CDK13: variants seen among roughly 807,000 people sequenced by gnomAD.
The protein encoded by CDK13 is cyclin-dependent kinase 13.
CDK13 carries 40 observed loss-of-function variants against 137.6 expected under a neutral mutation model. That is an observed-to-expected ratio of 0.29 (90% confidence interval 0.23 to 0.38). The LOEUF is 0.38. Among genes scored for constraint, CDK13 ranks in the 10% least tolerant of loss-of-function variants. The pLI is 1.00. For synonymous variants in CDK13, 869 were observed against 760.1 expected (o/e 1.14, Z -2.36); for missense variants, 1,704 against 1,951.8 (o/e 0.87, Z 2.39).
intron 11 of CDK13, among the ~76,000 whole-genome samples, chr7:40,082,215 G>A (rs563971474): frequency 2.6e-5 from 4 of 151,998 alleles, no homozygotes; most frequent in African/African-American, 4.8e-5. Context: ...TAGGCTGGGC[G>A]CAGTGGCTCA....
intron 2 of CDK13, among the ~76,000 whole-genome samples, chr7:39,996,206 G>A (rs1385863729): frequency 1.3e-5 from 2 of 152,148 alleles, no homozygotes; most frequent in African/African-American, 4.8e-5. Context: ...ACACGAATAG[G>A]AGGATAATTA....
chr7:40,046,574 G>T (rs1785745721), intron 6 of CDK13, among the ~76,000 whole-genome samples: 1 of 152,134 alleles, frequency 6.6e-6, no homozygotes, highest in South Asian at 2.1e-4. Flanking sequence ...TTGAATCTAG[G>T]AGGTGGAGGT....
intron 1 of CDK13, among the ~76,000 whole-genome samples, chr7:39,954,507 A>G (rs1040345085): frequency 2.7e-4 from 37 of 138,026 alleles, no homozygotes; most frequent in Non-Finnish European, 2.2e-4. Context: ...TCAGCACTGT[A>G]TCTGGCACAA....
intron 5 of CDK13, among the ~76,000 whole-genome samples, chr7:40,031,828 G>GTTGTTATTATTA (rs1279341093): frequency 1.3e-4 from 18 of 139,108 alleles, no homozygotes; most frequent in African/African-American, 4.5e-4. Context: ...TATTATTATT[G>GTTGTTATTATTA]TTATTATTAT....
chr7:39,992,200 G>A lies in CDK13; in HGVS notation c.1871+3942G>A, dbSNP rs936684894. On this transcript the variant is annotated intron_variant, in intron 2 of 13. Transcript: ENST00000181839. The stretch of plus-strand genomic sequence containing the variant: ...TGTGTGTGTGTGTGTGTGTGTGTGT[G>A]TATACACTTCTCCCCGAGATGAAGT... Among the ~76,000 whole-genome samples, 556 of 138,366 alleles carry A rather than the reference G, an allele frequency of 4.0e-3. 7 individuals carry two copies. The highest frequency in any genetic ancestry group is 0.014 in the African/African-American group (520 of 37,116). 90.8% of individuals were successfully genotyped at this position (138,366 alleles called of 152,430 possible).
At chr7:40,028,502 G>A (rs1301711406) in intron 5 of CDK13, among the ~76,000 whole-genome samples, 1 of 152,112 alleles carries the variant, frequency 6.6e-6, no homozygotes, top group African/African-American at 2.4e-5. Flanking sequence ...ACAGGTGTGA[G>A]CCACCACGCC....
intron 5 of CDK13, among the ~76,000 whole-genome samples, chr7:40,003,202 A>ACTCTCTCTCTCTCTCT (rs1334115140): frequency 1.7e-4 from 14 of 80,964 alleles, no homozygotes; most frequent in African/African-American, 4.5e-4. Context: ...ACACACACAC[A>ACTCTCTCTCTCTCTCT]CACACTCTCT....
At chr7:40,003,043 A>G (rs1306354951) in intron 5 of CDK13, among the ~76,000 whole-genome samples, 1 of 151,616 alleles carries the variant, frequency 6.6e-6, no homozygotes, top group Non-Finnish European at 1.5e-5. Context: ...TGCACCCTGC[A>G]CTCCAACCTC....
Position 39,951,543 on chromosome 7 carries a change from G to A in CDK13, c.902G>A (p.Arg301Gln), listed in dbSNP as rs1562692808. ...TACAAGGAACCGCCCAAGGCCTACC[G>A]GGAGGACAAGACCGAGCCTAAGGCC... ...SAYKEPPKAYREDKTEPKAYR... is the reference protein window; with the variant it reads ...SAYKEPPKAYQEDKTEPKAYR... The change falls in exon 1 of 14, where the codon CGG (arginine) becomes CAG (glutamine). Residue 301 changes from arginine to glutamine, a missense_variant. By Grantham distance (43) the Arg-to-Gln change is conservative. Around this residue, in one of 5 missense-constraint regions of CDK13, gnomAD observed 1,051 missense variants for 931.0 expected, o/e 1.13. Coordinates refer to ENST00000181839, the MANE Select transcript of CDK13 (RefSeq NM_003718.5). 1.3e-6 allele frequency: 2 copies of A among 1,537,462 alleles called. No homozygotes were observed. Among genetic ancestry groups the A allele is most frequent in the South Asian group, 1.2e-5 (1 of 82,600 alleles).
At chr7:39,966,640 G>A (rs1445140148) in intron 1 of CDK13, among the ~76,000 whole-genome samples, 1 of 152,168 alleles carries the variant, frequency 6.6e-6, no homozygotes, top group African/African-American at 2.4e-5. Flanking sequence ...GTCCAGCTTT[G>A]TTCCGTTGCT....
rs749812196 is a variant in CDK13 at position 39,987,784 on chromosome 7, G to GAGCCGCAGAAGCAGCGAA, written c.1401_1418dup (p.Ala471_Ala476dup). ...AAAGCACGAGCAGCAGAGGCAGCAA[G>GAGCCGCAGAAGCAGCGAA]AGCCGCAGAAGCAGCGAAAGCTGCA... is the stretch of plus-strand genomic sequence containing the variant. On this transcript the variant is annotated inframe_insertion, in exon 2 of 14. Transcript: ENST00000181839. 8.7e-6 allele frequency: 14 copies of GAGCCGCAGAAGCAGCGAA among 1,614,006 alleles called. No homozygotes were observed.
At chr7:39,965,549 G>A (rs1255674026) in intron 1 of CDK13, among the ~76,000 whole-genome samples, 1 of 152,166 alleles carries the variant, frequency 6.6e-6, no homozygotes, top group East Asian at 1.9e-4. Context: ...ACAGCATGCT[G>A]ATGGGTCTTG....
rs536324642 is a variant in CDK13, at chr7:40,095,924, C to T, written c.*944C>T. ...AGAGCAAAGAAAGGGAGTAGAACTG[C>T]AATCAGTACATATTGTTTGAGAAGT... is the stretch of plus-strand genomic sequence containing the variant. On this transcript the variant is annotated 3_prime_UTR_variant, in exon 14 of 14. Coordinates refer to ENST00000181839, the MANE Select transcript of CDK13 (RefSeq NM_003718.5). 9.9e-5 allele frequency: 15 copies of T among 152,266 alleles called. No individual in the cohort carries two copies. The East Asian group carries it at 2.9e-3, about 29-fold the overall frequency. 9.4% of individuals were successfully genotyped at this position (152,266 alleles called of 1,614,324 possible). A position where few individuals can be genotyped will look rare whatever the true frequency, so the allele number is the denominator to read the frequency against.
intron 5 of CDK13, among the ~76,000 whole-genome samples, chr7:40,035,656 A>G (rs930232502): frequency 4.6e-5 from 7 of 151,980 alleles, no homozygotes; most frequent in African/African-American, 1.7e-4. Flanking sequence ...GCCCCCACTG[A>G]TTGTACATTA....
intron 1 of CDK13, among the ~76,000 whole-genome samples, chr7:39,957,575 C>CCT (rs1787456408): frequency 2.0e-5 from 3 of 152,306 alleles, no homozygotes; most frequent in African/African-American, 7.2e-5. Flanking sequence ...TAGGATAGGG[C>CCT]AGGTAATTGT....
chr7:40,072,752 A>G lies in CDK13; in HGVS notation c.2781-5253A>G, dbSNP rs143940021. On this transcript the variant is annotated intron_variant, in intron 9 of 13. Transcript: ENST00000181839. ...TACAACATCTAACTTAACAAGTGGA[A>G]AATACAGCATTACATTGAAATAATA... 5.6e-4 allele frequency: 86 copies of G among 152,346 alleles called. 1 individual carries two copies. Among genetic ancestry groups the G allele is most frequent in the African/African-American group, 2.0e-3 (82 of 41,574 alleles). 9.4% of individuals were successfully genotyped at this position (152,346 alleles called of 1,614,324 possible). A position where few individuals can be genotyped will look rare whatever the true frequency, so the allele number is the denominator to read the frequency against.
intron 1 of CDK13, among the ~76,000 whole-genome samples, chr7:39,965,874 T>G (rs904703050): frequency 1.3e-5 from 2 of 152,234 alleles, no homozygotes; most frequent in Non-Finnish European, 2.9e-5. Context: ...CCTTCACTTA[T>G]GAAGCTTAGT....
Position 40,094,129 on chromosome 7 carries a change from G to T in CDK13, c.3689-1G>T. 2 of 1,613,004 alleles carry T rather than the reference G, an allele frequency of 1.2e-6. No homozygotes were observed. The highest frequency in any genetic ancestry group is 2.2e-5 in the South Asian group (2 of 90,912). ...CCTTGTTTTTGCTCTGTTTCACTTA[G>T]GACAAGATGACCTCATCCAGCATCA... On this transcript the variant is annotated splice_acceptor_variant, in intron 13 of 13. Transcript: ENST00000181839. LOFTEE classifies it high-confidence loss of function.
chr7:40,046,044 T>C lies in CDK13; in HGVS notation c.2543+19T>C, dbSNP rs1163000663. On this transcript the variant is annotated intron_variant, in intron 6 of 13. Coordinates refer to ENST00000181839, the MANE Select transcript of CDK13 (RefSeq NM_003718.5). ...ATAATAGGTATGGGTATGAACTTTA[T>C]ATATATTTAAAATGAGTTTTACCAT... The C allele has an allele frequency of 1.4e-6, 2 of 1,382,650 alleles. No individual in the cohort carries two copies. Among genetic ancestry groups the C allele is most frequent in the Non-Finnish European group, 2.0e-6 (2 of 991,146 alleles). The allele number at this position is 1,382,650 out of a possible 1,614,324, so 85.6% of individuals were successfully genotyped here. A position where few individuals can be genotyped will look rare whatever the true frequency, so the allele number is the denominator to read the frequency against.
Sources: allele counts gnomAD v4.1 joint callset (sites outside exome capture counted in the v4.1 genomes callset), GRCh38; gene constraint gnomAD v4.1.1; regional missense constraint gnomAD v4.1.1; transcripts MANE v1.5; gene names NCBI Gene and HGNC (gene_info 2026-07-23, HGNC 2026-07-21).